The following IL1RAPL2 variants were observed in gnomAD, a reference collection of about 807,000 sequenced individuals.
The protein encoded by IL1RAPL2 is interleukin 1 receptor accessory protein like 2, also known as X-linked interleukin-1 receptor accessory protein-like 2.
Under a neutral mutation model 44.1 loss-of-function variants are expected in IL1RAPL2, and 3 were observed. The observed-to-expected ratio is 0.07, with a 90% confidence interval of 0.03 to 0.18. The LOEUF is 0.18. Among genes scored for constraint, IL1RAPL2 ranks in the 10% least tolerant of loss-of-function variants. The pLI is 1.00. For missense variants in IL1RAPL2, 391 were observed against 496.4 expected, an observed-to-expected ratio of 0.79 and a Z score of 2.02; for synonymous variants, 181 against 178.8, an observed-to-expected ratio of 1.01 and a Z score of -0.10.
chrX:105,008,008 A>T (rs1250312965), intron 2 of IL1RAPL2, among the ~76,000 whole-genome samples: 1 of 113,970 alleles, frequency 8.8e-6, no homozygotes, highest in Non-Finnish European at 1.9e-5. Context: ...TGCCAAGGGC[A>T]ATACTATCTG....
At chrX:104,656,178 G>T (rs761729844) in intron 1 of IL1RAPL2, among the ~76,000 whole-genome samples, 1 of 110,505 alleles carries the variant, frequency 9.0e-6, no homozygotes, top group Non-Finnish European at 1.9e-5. Flanking sequence ...ATCTCCTTTA[G>T]TTCTTCTCTG....
chrX:105,032,729 A>G (rs192764207), intron 2 of IL1RAPL2, among the ~76,000 whole-genome samples: 352 of 111,409 alleles, frequency 3.2e-3, no homozygotes, highest in African/African-American at 0.011. Context: ...AGTTCTGTAG[A>G]TATCTATTAG....
At chrX:105,419,457 C>T (rs994378570) in intron 5 of IL1RAPL2, among the ~76,000 whole-genome samples, 8 of 111,504 alleles carry the variant, frequency 7.2e-5, no homozygotes, top group East Asian at 5.6e-4. Flanking sequence ...AAGGATTCCA[C>T]GTCTCACTAT....
At chrX:105,013,135 C>A (rs140218386) in intron 2 of IL1RAPL2, among the ~76,000 whole-genome samples, 3,118 of 110,923 alleles carry the variant, frequency 0.028, 71 homozygotes, top group Admixed American at 0.088. Flanking sequence ...GGGAAGTAAA[C>A]CAATGGGATA....
At chrX:105,252,857 C>T (rs1000757384) in intron 4 of IL1RAPL2, among the ~76,000 whole-genome samples, 8 of 111,524 alleles carry the variant, frequency 7.2e-5, no homozygotes, top group African/African-American at 2.0e-4. Flanking sequence ...TGAACCCTGA[C>T]GGTGTGCAAA....
chrX:105,584,336 A>G (rs2037111285), intron 6 of IL1RAPL2, among the ~76,000 whole-genome samples: 1 of 111,787 alleles, frequency 8.9e-6, no homozygotes, highest in African/African-American at 3.2e-5. Context: ...AAATGATTAT[A>G]TTATCATCAT....
intron 2 of IL1RAPL2, among the ~76,000 whole-genome samples, chrX:104,920,384 AT>A (rs1924597656): frequency 9.1e-6 from 1 of 110,405 alleles, no homozygotes; most frequent in Admixed American, 9.7e-5. Flanking sequence ...CTCATGTTGA[AT>A]TATGATCCCC....
intron 2 of IL1RAPL2, among the ~76,000 whole-genome samples, chrX:104,912,661 G>A (rs1462279975): frequency 8.9e-6 from 1 of 111,768 alleles, no homozygotes; most frequent in Non-Finnish European, 1.9e-5. Flanking sequence ...GGTAAAGCAT[G>A]TTAAGGCCAA....
intron 6 of IL1RAPL2, among the ~76,000 whole-genome samples, chrX:105,487,521 TATTTTTCATCCCAGA>T (rs1458917386): frequency 8.9e-6 from 1 of 112,227 alleles, no homozygotes; most frequent in East Asian, 2.8e-4. Flanking sequence ...GAGACCTGCT[TATTTTTCATCCCAGA>T]AAGGCTGTTA....
At chrX:105,691,506 T>C (rs958188469) in intron 6 of IL1RAPL2, among the ~76,000 whole-genome samples, 2 of 111,934 alleles carry the variant, frequency 1.8e-5, no homozygotes, top group African/African-American at 3.2e-5. Flanking sequence ...AAGCAACTTA[T>C]TGGCCATAAA....
rs35192051 is a variant in IL1RAPL2 at position 105,226,385 on chromosome X, C to CTTTTTTTTTTTTTTT, written c.357-7417_357-7403dup. Among the ~76,000 whole-genome samples, 12 of 53,328 alleles carry CTTTTTTTTTTTTTTT rather than the reference C, an allele frequency of 2.3e-4. 1 individual carries two copies. The highest frequency in any genetic ancestry group is 8.6e-4 in the African/African-American group (9 of 10,495). The allele number at this position is 53,328 out of a possible 115,157, so 46.3% of individuals were successfully genotyped here. A position where few individuals can be genotyped will look rare whatever the true frequency, so the allele number is the denominator to read the frequency against. ...GACCCTTTGCCATTCTTTCTTTTCC[C>CTTTTTTTTTTTTTTT]TTTTTTTTTTTTTTTTTTTTTTTTT... is the stretch of plus-strand genomic sequence containing the variant. On this transcript the variant is annotated intron_variant, in intron 3 of 10. Coordinates refer to ENST00000372582, the MANE Select transcript of IL1RAPL2 (RefSeq NM_017416.2).
At chrX:105,692,937 CTAT>C (rs745311798) in intron 6 of IL1RAPL2, among the ~76,000 whole-genome samples, 1 of 111,561 alleles carries the variant, frequency 9.0e-6, no homozygotes, top group East Asian at 2.9e-4. Flanking sequence ...ACGTAGTGAA[CTAT>C]TTATTTAAGA....
intron 1 of IL1RAPL2, among the ~76,000 whole-genome samples, chrX:104,619,843 G>A (rs1929351801): frequency 8.9e-6 from 1 of 112,115 alleles, no homozygotes; most frequent in South Asian, 3.7e-4. Flanking sequence ...GTGTTATCAT[G>A]GAGAAGTACA....
At chrX:104,668,682 A>ATTTT (rs35941481) in intron 2 of IL1RAPL2, among the ~76,000 whole-genome samples, 1 of 101,990 alleles carries the variant, frequency 9.8e-6, no homozygotes, top group African/African-American at 3.5e-5. Flanking sequence ...GGAATTAATG[A>ATTTT]TTTTTTTTTT....
At chrX:104,818,343 C>CAAAAA (rs768639524) in intron 2 of IL1RAPL2, among the ~76,000 whole-genome samples, 3 of 27,430 alleles carry the variant, frequency 1.1e-4, no homozygotes, top group African/African-American at 3.3e-4. Flanking sequence ...GACTCCGTCT[C>CAAAAA]AAAAAAAAAA....
intron 2 of IL1RAPL2, among the ~76,000 whole-genome samples, chrX:105,110,539 A>T (rs1268532614): frequency 2.7e-5 from 3 of 112,369 alleles, no homozygotes; most frequent in Non-Finnish European, 3.7e-5. Context: ...GGCTCAAATG[A>T]ATGTAAATTT....
chrX:105,222,256 T>G (rs1341156750), intron 3 of IL1RAPL2, among the ~76,000 whole-genome samples: 1 of 112,404 alleles, frequency 8.9e-6, no homozygotes, highest in Non-Finnish European at 1.9e-5. Flanking sequence ...TTTTATTATA[T>G]GGGCATTATG....
chrX:104,905,778 G>A (rs1294610648), intron 2 of IL1RAPL2, among the ~76,000 whole-genome samples: 2 of 111,221 alleles, frequency 1.8e-5, no homozygotes, highest in African/African-American at 3.3e-5. Flanking sequence ...GATTGACTTG[G>A]CGATCTGGGC....
intron 2 of IL1RAPL2, among the ~76,000 whole-genome samples, chrX:104,946,379 C>CAAGAAAAAAAAA (rs1925354655): frequency 1.1e-4 from 1 of 9,140 alleles, no homozygotes; most frequent in Non-Finnish European, 1.6e-4. Flanking sequence ...GACTCCGTCT[C>CAAGAAAAAAAAA]AAAAAAAAAA....
Sources: allele counts gnomAD v4.1 joint callset (sites outside exome capture counted in the v4.1 genomes callset), GRCh38; gene constraint gnomAD v4.1.1; transcripts MANE v1.5; gene names NCBI Gene and HGNC (gene_info 2026-07-23, HGNC 2026-07-21).